PIAS2: variants seen among roughly 807,000 people sequenced by gnomAD.
The protein encoded by PIAS2 is E3 SUMO-protein ligase PIAS2.
A neutral mutation model predicts 69.7 loss-of-function variants in PIAS2; 19 were observed. The observed-to-expected ratio is 0.27, with a 90% confidence interval of 0.19 to 0.40. PIAS2 has a LOEUF of 0.40. PIAS2 is among the 10% of genes least tolerant of loss of function. The probability of loss-of-function intolerance (pLI) is 1.00; values close to 1 mark genes in which losing one functional copy is unlikely to be tolerated. For missense variants in PIAS2, 624 were observed against 757.0 expected (o/e 0.82, Z 2.06); for synonymous variants, 261 against 263.2 (o/e 0.99, Z 0.08).
chr18:46,899,942 A>C (rs1418984640), intron 1 of PIAS2, among the ~76,000 whole-genome samples: 1 of 152,208 alleles, frequency 6.6e-6, no homozygotes, highest in East Asian at 1.9e-4. Flanking sequence ...GAAAATGCTG[A>C]GCAATGAAGG....
chr18:46,819,425 G>A (rs752227333), intron 12 of PIAS2, among the ~76,000 whole-genome samples: 4 of 152,104 alleles, frequency 2.6e-5, no homozygotes, highest in Admixed American at 1.3e-4. Context: ...TACATGTGGA[G>A]TAACTATATC....
At chr18:46,833,246 T>C (rs182617946) in intron 9 of PIAS2, among the ~76,000 whole-genome samples, 1 of 152,296 alleles carries the variant, frequency 6.6e-6, no homozygotes. Flanking sequence ...GCAACATAAA[T>C]GTATCTCAAA....
intron 9 of PIAS2, among the ~76,000 whole-genome samples, chr18:46,832,994 C>T (rs546459119): frequency 3.9e-4 from 59 of 152,062 alleles, no homozygotes; most frequent in East Asian, 1.2e-3. Context: ...ATAGTACAAC[C>T]GCTTTGGAAA....
chr18:46,846,826 G>A lies in PIAS2; in HGVS notation c.742C>T (p.Pro248Ser). 6.2e-7 allele frequency: 1 copy of A among 1,608,378 alleles called. No homozygotes were observed. Among genetic ancestry groups the A allele is most frequent in the South Asian group, 1.1e-5 (1 of 89,606 alleles). ...CGCTTCTGTTCAATCCCATTTTTAG[G>A]CGGTGGTGCATAGCCCTATAACCGT... Reference protein sequence around the residue: ...LFPLPGYAPPPKNGIEQKRPG... With the variant: ...LFPLPGYAPPSKNGIEQKRPG... The change falls in exon 6 of 14, where the codon CCT becomes TCT. Residue 248 changes from proline (P) to serine (S), a missense_variant. Pro to Ser is a moderately conservative substitution (Grantham distance 74). Transcript: ENST00000585916.
At position 46,890,728 on chromosome 18, in the gene PIAS2, A is replaced by G; in HGVS notation, c.351T>C (p.Pro117=). 1 of 1,614,160 alleles carries G rather than the reference A, an allele frequency of 6.2e-7. No homozygotes were observed. The highest frequency in any genetic ancestry group is 8.5e-7 in the Non-Finnish European group (1 of 1,180,020). ...TSVTPHSPSS[P]VGSVLLQDTK... is the part of the protein sequence containing the mutation. Reference sequence around the variant, plus strand: ...TATCTTGAAGCAGCACAGAACCAACAGGAGAGGATGGTGAGTGAGGTGTAA... The same window carrying G: ...TATCTTGAAGCAGCACAGAACCAACGGGAGAGGATGGTGAGTGAGGTGTAA... Residue 117 remains proline, a synonymous_variant, in exon 2 of 14, where the codon CCT becomes CCC. Transcript: ENST00000585916.
At chr18:46,815,484 C>A in intron 12 of PIAS2, 135 bp from the exon 13 acceptor site, 1 of 1,490,132 alleles carries the variant, frequency 6.7e-7, no homozygotes, top group East Asian at 2.4e-5. Flanking sequence ...AAGTTCTATA[C>A]CATGATCAGT....
chr18:46,828,907 G>A (rs1317533676), intron 10 of PIAS2, among the ~76,000 whole-genome samples: 2 of 152,156 alleles, frequency 1.3e-5, no homozygotes, highest in East Asian at 1.9e-4. Flanking sequence ...CCATTTTTCT[G>A]AAAGATGAGA....
chr18:46,828,493 G>A (rs767802541), intron 10 of PIAS2, among the ~76,000 whole-genome samples: 1 of 152,188 alleles, frequency 6.6e-6, no homozygotes, highest in Non-Finnish European at 1.5e-5. Flanking sequence ...TAGGGAACTG[G>A]TCTCAGGTCA....
At chr18:46,832,137 C>G (rs1424152137) in intron 9 of PIAS2, among the ~76,000 whole-genome samples, 1 of 151,954 alleles carries the variant, frequency 6.6e-6, no homozygotes, top group Non-Finnish European at 1.5e-5. Context: ...GGGCAAAAGG[C>G]CAGGCACGGT....
chr18:46,881,516 C>T (rs1441055047), intron 2 of PIAS2, among the ~76,000 whole-genome samples: 2 of 151,680 alleles, frequency 1.3e-5, no homozygotes. Context: ...TTTCTGTGAC[C>T]ACTCACAGTT....
chr18:46,867,106 TA>T (rs1722930719), intron 2 of PIAS2, among the ~76,000 whole-genome samples: 1 of 152,174 alleles, frequency 6.6e-6, no homozygotes, highest in Non-Finnish European at 1.5e-5. Flanking sequence ...ATGTACAATT[TA>T]TAGAACTGGC....
chr18:46,904,183 A>G (rs568424114), intron 1 of PIAS2: 67 of 152,236 alleles, frequency 4.4e-4, no homozygotes, highest in African/African-American at 1.1e-3. Flanking sequence ...GTGATACTGT[A>G]CTATGGTCTT....
intron 2 of PIAS2, among the ~76,000 whole-genome samples, chr18:46,879,504 C>T (rs539140513): frequency 6.6e-6 from 1 of 152,182 alleles, no homozygotes; most frequent in Non-Finnish European, 1.5e-5. Flanking sequence ...TTTAGTGGTT[C>T]CTCAAATAAT....
intron 1 of PIAS2, chr18:46,903,515 C>T (rs566898093): frequency 6.6e-6 from 1 of 152,228 alleles, no homozygotes; most frequent in African/African-American, 2.4e-5. Context: ...TGAGATATCA[C>T]TAGATACCTA....
At chr18:46,875,659 G>A (rs1054344195) in intron 2 of PIAS2, among the ~76,000 whole-genome samples, 4 of 152,200 alleles carry the variant, frequency 2.6e-5, no homozygotes, top group South Asian at 2.1e-4. Context: ...CTAAGGTAAC[G>A]GCTGTGGAGG....
Position 46,864,255 on chromosome 18 carries a change from A to AG in PIAS2, c.500-8dup, listed in dbSNP as rs1249358237. The AG allele has an allele frequency of 1.3e-6, 2 of 1,544,766 alleles. No individual in the cohort carries two copies. Among genetic ancestry groups the AG allele is most frequent in the South Asian group, 1.2e-5 (1 of 83,274 alleles). On this transcript the variant is annotated splice_polypyrimidine_tract_variant and splice_region_variant and intron_variant, in intron 2 of 13. Coordinates refer to ENST00000585916, the MANE Select transcript of PIAS2 (RefSeq NM_004671.5). ...CGCTGAATACTGCTTTGAACTGGGA[A>AG]GAAAAAAAAAAAGAAAGATAATATT... is the stretch of plus-strand genomic sequence containing the variant.
rs148037658 is a variant in PIAS2, at chr18:46,847,843, T to C, written c.727-1002A>G. The stretch of plus-strand genomic sequence containing the variant: ...GATTCGCAGTATATCCAATTCCCAA[T>C]TACCGCAAGACTTCACTCTGATTTT... On this transcript the variant is annotated intron_variant, in intron 5 of 13. Transcript: ENST00000585916. 1.1e-3 allele frequency among the ~76,000 whole-genome samples: 162 copies of C among 152,300 alleles called. 1 individual carries two copies. Among genetic ancestry groups the C allele is most frequent in the Middle Eastern group, 0.01 (3 of 294 alleles).
intron 12 of PIAS2, chr18:46,818,474 T>C: frequency 6.5e-7 from 1 of 1,549,934 alleles, no homozygotes; most frequent in Non-Finnish European, 8.7e-7. Flanking sequence ...TTCATGTTTA[T>C]GATGTTTAAA....
At chr18:46,853,231 A>G (rs1389940397) in intron 5 of PIAS2, 1 of 125,958 alleles carries the variant, frequency 7.9e-6, no homozygotes, top group Non-Finnish European at 1.7e-5. Flanking sequence ...GAGTGAGCCG[A>G]GACTACACTA....
Sources: allele counts gnomAD v4.1 joint callset (sites outside exome capture counted in the v4.1 genomes callset), GRCh38; gene constraint gnomAD v4.1.1; transcripts MANE v1.5; gene names NCBI Gene and HGNC (gene_info 2026-07-23, HGNC 2026-07-21).